Variants in CEACAM6 observed in about 807,000 individuals in gnomAD.
CEACAM6 encodes the protein CEA cell adhesion molecule 6, also known as cell adhesion molecule CEACAM6.
A neutral mutation model predicts 32.4 loss-of-function variants in CEACAM6; 21 were observed. That is an observed-to-expected ratio of 0.65 (90% CI 0.46 to 0.93). The LOEUF (loss-of-function observed/expected upper bound fraction) is 0.93, where lower values mean the gene tolerates loss of function less well. Among genes scored for constraint, CEACAM6 ranks in the 40% least tolerant of loss-of-function variants. The probability of loss-of-function intolerance (pLI) is 0.00; values close to 1 mark genes in which losing one functional copy is unlikely to be tolerated. For missense variants in CEACAM6, 406 were observed against 432.2 expected (o/e 0.94, Z 0.54); for synonymous variants, 184 against 174.4 (o/e 1.06, Z -0.43).
chr19:41,760,077 C>T (rs142927401), intron 2 of CEACAM6, among the ~76,000 whole-genome samples: 8 of 152,114 alleles, frequency 5.3e-5, no homozygotes, highest in Non-Finnish European at 8.8e-5. Context: ...ATACTCAATC[C>T]GTATGAACTA....
chr19:41,767,219 A>G (rs1345445567), intron 5 of CEACAM6, among the ~76,000 whole-genome samples: 2 of 152,178 alleles, frequency 1.3e-5, no homozygotes, highest in African/African-American at 4.8e-5. Flanking sequence ...ACCTAAAAAC[A>G]GGGTGATCTC....
At chr19:41,762,363 A>C in intron 4 of CEACAM6, 140 bp downstream of exon 4, 1 of 932,912 alleles carries the variant, frequency 1.1e-6, no homozygotes, top group Non-Finnish European at 1.6e-6. Flanking sequence ...AACCCTCCCA[A>C]TTCACCTCTG....
chr19:41,758,433 G>C (rs782790814), intron 2 of CEACAM6, among the ~76,000 whole-genome samples: 16 of 152,176 alleles, frequency 1.1e-4, no homozygotes, highest in African/African-American at 3.9e-4. Flanking sequence ...ATCCTATGAG[G>C]TTCTGGCCAC....
At chr19:41,759,699 T>C (rs751114164) in intron 2 of CEACAM6, among the ~76,000 whole-genome samples, 56 of 152,226 alleles carry the variant, frequency 3.7e-4, no homozygotes, top group Non-Finnish European at 6.6e-4. Flanking sequence ...CCTTGATCTT[T>C]GATCTTTAGG....
intron 2 of CEACAM6, among the ~76,000 whole-genome samples, chr19:41,758,919 C>T (rs946247820): frequency 6.6e-6 from 1 of 152,198 alleles, no homozygotes; most frequent in Non-Finnish European, 1.5e-5. Context: ...GGAGAATGAG[C>T]TTCCACTGTG....
intron 2 of CEACAM6, among the ~76,000 whole-genome samples, chr19:41,760,624 AAGTC>A (rs1447353175): frequency 1.3e-5 from 2 of 152,160 alleles, no homozygotes; most frequent in Admixed American, 1.3e-4. Context: ...TCACAGGCTC[AAGTC>A]AGTCATTATT....
At position 41,761,458 on chromosome 19, in the gene CEACAM6, T is replaced by G; in HGVS notation, c.634T>G (p.Ser212Ala). The change falls in exon 3 of 6, where the codon TCC becomes GCC. Residue 212 changes from serine (S) to alanine (A), a missense_variant. Ser to Ala is a moderately conservative substitution (Grantham distance 99, BLOSUM62 1). Transcript: ENST00000199764. ...CAGCGTCAAAAGGAACGATGCAGGA[T>G]CCTATGAATGTGAAATACAGAACCC... ...LLSVKRNDAG[S>A]YECEIQNPAS... 1.9e-6 allele frequency: 3 copies of G among 1,614,076 alleles called. No individual in the cohort carries two copies. Among genetic ancestry groups the G allele is most frequent in the Non-Finnish European group, 2.5e-6 (3 of 1,180,008 alleles).
chr19:41,755,699 A>C lies in CEACAM6; in HGVS notation c.61A>C (p.Thr21Pro), dbSNP rs370563504. ...TGTCCCCTGGAAGGAGGTCCTGCTC[A>C]CAGGTGAGGGGAGGACTCCCTCGGA... ...LHVPWKEVLL[T>P]ASLLTFWNPP... The change falls in exon 1 of 6, where the codon ACA becomes CCA. Residue 21 changes from threonine to proline, a missense_variant. Coordinates refer to ENST00000199764, the MANE Select transcript of CEACAM6 (RefSeq NM_002483.7). The C allele has an allele frequency of 1.2e-6, 2 of 1,604,706 alleles. No individual in the cohort carries two copies. The highest frequency in any genetic ancestry group is 2.7e-5 in the African/African-American group (2 of 74,250).
chr19:41,756,082 T>C (rs1348043136), intron 1 of CEACAM6, among the ~76,000 whole-genome samples: 10 of 152,132 alleles, frequency 6.6e-5, no homozygotes, highest in African/African-American at 2.2e-4. Flanking sequence ...CATTAACTCA[T>C]CCACAAGCAT....
chr19:41,760,756 AG>A (rs2072917648), intron 2 of CEACAM6, among the ~76,000 whole-genome samples: 1 of 152,224 alleles, frequency 6.6e-6, no homozygotes, highest in African/African-American at 2.4e-5. Flanking sequence ...ATCCCAGGCC[AG>A]GCTGCACAGT....
chr19:41,757,364 G>A (rs782490321), intron 2 of CEACAM6, among the ~76,000 whole-genome samples: 10 of 152,086 alleles, frequency 6.6e-5, no homozygotes, highest in Non-Finnish European at 1.2e-4. Flanking sequence ...ACAAAGCCCT[G>A]TCCCTGGTTC....
In CEACAM6 at chr19:41,761,320, A is replaced by G; in HGVS notation, c.496A>G (p.Thr166Ala). ...GGAGGACAAGGATGCTGTGGCCTTC[A>G]CCTGTGAACCTGAGGTTCAGAACAC... ...PVEDKDAVAF[T>A]CEPEVQNTTY... The change falls in exon 3 of 6, where the codon ACC becomes GCC. Residue 166 changes from threonine (T) to alanine (A), a missense_variant. Thr to Ala is a moderately conservative substitution (Grantham distance 58). Coordinates refer to ENST00000199764, the MANE Select transcript of CEACAM6 (RefSeq NM_002483.7). 1 of 1,614,116 alleles carries G rather than the reference A, an allele frequency of 6.2e-7. No individual in the cohort carries two copies. Among genetic ancestry groups the G allele is most frequent in the Non-Finnish European group, 8.5e-7 (1 of 1,180,016 alleles).
intron 4 of CEACAM6, among the ~76,000 whole-genome samples, chr19:41,764,115 T>G (rs1487165864): frequency 6.6e-6 from 1 of 152,232 alleles, no homozygotes; most frequent in African/African-American, 2.4e-5. Flanking sequence ...ATGTTGAATT[T>G]TGTCAAATGC....
intron 1 of CEACAM6, 134 bp downstream of exon 1, chr19:41,755,836 G>A: frequency 1.6e-6 from 1 of 614,870 alleles, no homozygotes; most frequent in South Asian, 2.4e-5. Flanking sequence ...ACACCAGAGA[G>A]GGACAGGGGT....
In CEACAM6 at chr19:41,761,201, G is replaced by A. The variant is rs782465758; in HGVS notation, c.425-48G>A. On this transcript the variant is annotated intron_variant, in intron 2 of 5. Transcript: ENST00000199764. ...CTCTGATTGAAAGATGCCTGTGGAG[G>A]AATCAAAGGTGCCACACAGGGCAAT... 9 of 1,613,024 alleles carry A rather than the reference G, an allele frequency of 5.6e-6. No homozygotes were observed. In the Admixed American group the frequency reaches 1.3e-4, roughly 24 times the overall value.
At position 41,761,297 on chromosome 19, in the gene CEACAM6, A is replaced by G. The variant is rs2072921959; in HGVS notation, c.473A>G (p.Glu158Gly). ...SISSNNSNPV[E>G]DKDAVAFTCE... ...TCCAGCAACAACTCCAACCCCGTGG[A>G]GGACAAGGATGCTGTGGCCTTCACC... Residue 158 changes from glutamate (E) to glycine (G), a missense_variant, in exon 3 of 6, where the codon GAG (glutamate) becomes GGG (glycine). Coordinates refer to ENST00000199764, the MANE Select transcript of CEACAM6 (RefSeq NM_002483.7). 1 of 1,614,180 alleles carries G rather than the reference A, an allele frequency of 6.2e-7. No homozygotes were observed. The highest frequency in any genetic ancestry group is 8.5e-7 in the Non-Finnish European group (1 of 1,180,024).
Position 41,761,399 on chromosome 19 carries a change from A to C in CEACAM6, c.575A>C (p.Gln192Pro). The change falls in exon 3 of 6, where the codon CAG (glutamine) becomes CCG (proline). Residue 192 changes from glutamine (Q) to proline (P), a missense_variant. Physicochemically the swap from Gln to Pro is moderately conservative, Grantham distance 76 (BLOSUM62 -1). Transcript: ENST00000199764. Reference sequence around the variant, plus strand: ...AGCCTCCCGGTCAGTCCCAGGCTGCAGCTGTCCAATGGCAACATGACCCTC... The same window carrying C: ...AGCCTCCCGGTCAGTCCCAGGCTGCCGCTGTCCAATGGCAACATGACCCTC... ...GQSLPVSPRL[Q>P]LSNGNMTLTL... The C allele has an allele frequency of 6.8e-6, 11 of 1,614,188 alleles. No individual in the cohort carries two copies. Among genetic ancestry groups the C allele is most frequent in the Non-Finnish European group, 9.3e-6 (11 of 1,180,026 alleles).
At chr19:41,756,331 C>T (rs1347578261) in intron 1 of CEACAM6, among the ~76,000 whole-genome samples, 2 of 152,028 alleles carry the variant, frequency 1.3e-5, no homozygotes, top group Admixed American at 1.3e-4. Flanking sequence ...GTGAGCAGGA[C>T]CTGAGGCCAG....
chr19:41,763,649 G>A (rs181175976), intron 4 of CEACAM6, among the ~76,000 whole-genome samples: 6 of 152,244 alleles, frequency 3.9e-5, no homozygotes, highest in South Asian at 2.1e-4. Flanking sequence ...TTGTGCATCC[G>A]TCTTCTGACA....
Sources: allele counts gnomAD v4.1 joint callset (sites outside exome capture counted in the v4.1 genomes callset), GRCh38; gene constraint gnomAD v4.1.1; transcripts MANE v1.5; gene names NCBI Gene and HGNC (gene_info 2026-07-23, HGNC 2026-07-21).